The following PRDM16 variants were observed in gnomAD, a reference collection of about 807,000 sequenced individuals.
PRDM16 encodes histone-lysine N-methyltransferase PRDM16.
Under a neutral mutation model 110.6 loss-of-function variants are expected in PRDM16, and 23 were observed. The observed-to-expected ratio is 0.21, with a 90% CI of 0.15 to 0.29. The LOEUF is 0.29. Ranked by LOEUF, PRDM16 falls within the 10% of genes least tolerant of loss-of-function variation. The pLI is 1.00. For synonymous variants in PRDM16, 799 were observed against 781.8 expected (o/e 1.02, Z -0.37); for missense variants, 1,615 against 1,794.3 (o/e 0.90, Z 1.81).
In PRDM16 at chr1:3,423,017, CTTTTCCT is replaced by C. The variant is rs1638482489; in HGVS notation, c.2940-2563_2940-2557del. ...TCAGGGACTTCGATCACCAATGCTT[CTTTTCCT>C]GTCTACTGTTGAAGAGGCCAGAGTG... On this transcript the variant is annotated intron_variant, in intron 12 of 16. Transcript: ENST00000270722. 5.3e-5 allele frequency among the ~76,000 whole-genome samples: 8 copies of C among 152,362 alleles called. No homozygotes were observed. The South Asian group carries it at 1.7e-3, about 32-fold the overall frequency.
At chr1:3,132,738 GAAGTA>G (rs1643359835) in intron 1 of PRDM16, among the ~76,000 whole-genome samples, 1 of 152,164 alleles carries the variant, frequency 6.6e-6, no homozygotes, top group Admixed American at 6.5e-5. Context: ...AATTATGTTG[GAAGTA>G]AAGTGACCCT....
intron 3 of PRDM16, among the ~76,000 whole-genome samples, chr1:3,302,171 A>ACCTTATTC (rs1641220741): frequency 6.6e-6 from 1 of 152,104 alleles, no homozygotes; most frequent in African/African-American, 2.4e-5. Flanking sequence ...TCAATAAACA[A>ACCTTATTC]CCTTATTCTA....
intron 1 of PRDM16, among the ~76,000 whole-genome samples, chr1:3,106,712 A>G (rs909214862): frequency 6.6e-6 from 1 of 152,166 alleles, no homozygotes; most frequent in South Asian, 2.1e-4. Flanking sequence ...GCATTTGGCC[A>G]GGCCAGCATG....
At chr1:3,146,767 G>A (rs1366679885) in intron 1 of PRDM16, among the ~76,000 whole-genome samples, 2 of 146,552 alleles carry the variant, frequency 1.4e-5, no homozygotes, top group African/African-American at 2.5e-5. Flanking sequence ...GGTGTAGGGG[G>A]TGTGTGTGCA....
chr1:3,293,518 A>T (rs1641022967), intron 3 of PRDM16, among the ~76,000 whole-genome samples: 1 of 152,250 alleles, frequency 6.6e-6, no homozygotes, highest in Admixed American at 6.5e-5. Flanking sequence ...AACTTATCAG[A>T]GGCAGTGAAC....
chr1:3,167,296 C>T (rs954708498), intron 1 of PRDM16, among the ~76,000 whole-genome samples: 6 of 152,168 alleles, frequency 3.9e-5, no homozygotes, highest in South Asian at 2.1e-4. Context: ...AAAACGACCC[C>T]GTTAAAAGCC....
chr1:3,138,821 A>G (rs753963380), intron 1 of PRDM16, among the ~76,000 whole-genome samples: 5 of 152,140 alleles, frequency 3.3e-5, no homozygotes, highest in African/African-American at 4.8e-5. Flanking sequence ...GCGCCCCTGC[A>G]TGAGGGCACA....
In PRDM16 at chr1:3,224,508, G is replaced by A. The variant is rs186252331; in HGVS notation, c.388-19579G>A. Among the ~76,000 whole-genome samples the A allele has an allele frequency of 9.5e-3, 1,440 of 151,654 alleles. 26 individuals are homozygous for A. Among genetic ancestry groups the A allele is most frequent in the African/African-American group, 0.033 (1,363 of 41,314 alleles). On this transcript the variant is annotated intron_variant, in intron 2 of 16. Transcript: ENST00000270722. ...TCTCTCTCCCTCTCCCCTTCTGCAC[G>A]CACCCACAGCCACTCTCTCTCCCTC...
At chr1:3,197,276 G>A (rs184746352) in intron 2 of PRDM16, among the ~76,000 whole-genome samples, 11 of 152,306 alleles carry the variant, frequency 7.2e-5, no homozygotes, top group Admixed American at 2.0e-4. Context: ...ACCCCCAGGC[G>A]GGCCCTTTCT....
chr1:3,336,126 T>C (rs1229022758), intron 3 of PRDM16, among the ~76,000 whole-genome samples: 2 of 152,208 alleles, frequency 1.3e-5, no homozygotes, highest in Admixed American at 1.3e-4. Flanking sequence ...GTGTGGGGTC[T>C]GACTGCTAGG....
intron 11 of PRDM16, 41 bp downstream of exon 11, chr1:3,418,038 G>T: frequency 6.4e-7 from 1 of 1,552,174 alleles, no homozygotes; most frequent in South Asian, 1.2e-5. Context: ...CCCTGGCGGG[G>T]CTCGAGTGCC....
intron 3 of PRDM16, among the ~76,000 whole-genome samples, chr1:3,327,827 C>A (rs1641951020): frequency 6.6e-6 from 1 of 152,324 alleles, no homozygotes; most frequent in East Asian, 1.9e-4. Context: ...TCGCCTGCCC[C>A]CCAGCACTGG....
At chr1:3,293,836 C>A (rs2500293) in intron 3 of PRDM16, among the ~76,000 whole-genome samples, 11,854 of 152,214 alleles carry the variant, frequency 0.078, 1,466 homozygotes, top group African/African-American at 0.26. Context: ...GAACGTTGCC[C>A]CTTGGAGAGG....
intron 1 of PRDM16, among the ~76,000 whole-genome samples, chr1:3,135,056 C>G (rs547955052): frequency 2.0e-5 from 3 of 152,032 alleles, no homozygotes; most frequent in Non-Finnish European, 4.4e-5. Flanking sequence ...TGGAAGGTGC[C>G]ACCCCCGGGT....
intron 9 of PRDM16, among the ~76,000 whole-genome samples, chr1:3,413,279 C>A (rs533150288): frequency 6.7e-6 from 1 of 149,044 alleles, no homozygotes; most frequent in South Asian, 2.1e-4. Flanking sequence ...GGAGCCACAG[C>A]GGCAGGGGGA....
At chr1:3,087,939 G>A (rs570395903) in intron 1 of PRDM16, among the ~76,000 whole-genome samples, 22 of 151,958 alleles carry the variant, frequency 1.4e-4, no homozygotes, top group African/African-American at 3.9e-4. Flanking sequence ...TTCTCAGTGA[G>A]CTGTTTCCCT....
At chr1:3,183,601 G>A (rs1374534525) in intron 1 of PRDM16, among the ~76,000 whole-genome samples, 1 of 152,336 alleles carries the variant, frequency 6.6e-6, no homozygotes, top group East Asian at 1.9e-4. Flanking sequence ...GAGGCCGGGG[G>A]CCCAATGCAC....
At chr1:3,369,973 G>A (rs1334737274) in intron 3 of PRDM16, among the ~76,000 whole-genome samples, 1 of 152,202 alleles carries the variant, frequency 6.6e-6, no homozygotes, top group Admixed American at 6.5e-5. Context: ...GAAAGGCAGT[G>A]AGTCACTGAG....
chr1:3,244,601 G>A lies in PRDM16; in HGVS notation c.438+464G>A, dbSNP rs910514715. On this transcript the variant is annotated intron_variant, in intron 3 of 16. Coordinates refer to ENST00000270722, the MANE Select transcript of PRDM16 (RefSeq NM_022114.4). This position sits in a 1 kb window ranked among gnomAD's most constrained non-coding sequence, Gnocchi z 4.1. The stretch of plus-strand genomic sequence containing the variant: ...CATCGTTTTAAATAAGCAAAACCAC[G>A]AGGCGAGAGAAAAAGGGTCCACGTG... 6.6e-6 allele frequency among the ~76,000 whole-genome samples: 1 copy of A among 152,130 alleles called. No homozygotes were observed. Among genetic ancestry groups the A allele is most frequent in the East Asian group, 1.9e-4 (1 of 5,188 alleles).
Sources: allele counts gnomAD v4.1 joint callset (sites outside exome capture counted in the v4.1 genomes callset), GRCh38; gene constraint gnomAD v4.1.1; non-coding constraint Gnocchi (gnomAD v3.1); transcripts MANE v1.5; gene names NCBI Gene and HGNC (gene_info 2026-07-23, HGNC 2026-07-21).